ERO1B: variants seen among roughly 807,000 people sequenced by gnomAD.
ERO1B encodes ERO1-like protein beta.
In ERO1B, 49 loss-of-function variants were observed where a neutral mutation model predicts 75.3. That is an observed-to-expected ratio of 0.65 (90% CI 0.52 to 0.83). The LOEUF (loss-of-function observed/expected upper bound fraction) is 0.83. Among genes scored for constraint, ERO1B ranks in the 40% least tolerant of loss-of-function variants. The pLI, the probability that ERO1B is intolerant of heterozygous loss-of-function variation, is 0.00. For missense variants in ERO1B, 512 were observed against 560.1 expected (o/e 0.91, Z 0.87); for synonymous variants, 191 against 192.9 (o/e 0.99, Z 0.08).
chr1:236,269,815 G>T, intron 2 of ERO1B, 60 bp downstream of exon 2: 1 of 1,362,914 alleles, frequency 7.3e-7, no homozygotes, highest in South Asian at 1.3e-5. Context: ...CTTTCAAAAG[G>T]ATCATAAAGG....
In ERO1B at chr1:236,220,815, C is replaced by A; in HGVS notation, c.1343+17G>T. On this transcript the variant is annotated intron_variant, in intron 15 of 15. Coordinates refer to ENST00000354619, the MANE Select transcript of ERO1B (RefSeq NM_019891.4). ...CCAATGGGAAATCAAAAATCTTCAA[C>A]ATATAATGGTTCTTACCTTCCAAAA... is the stretch of plus-strand genomic sequence containing the variant. 6.5e-7 allele frequency: 1 copy of A among 1,545,278 alleles called. No individual in the cohort carries two copies. Among genetic ancestry groups the A allele is most frequent in the South Asian group, 1.3e-5 (1 of 76,690 alleles).
rs768609139 is a variant in ERO1B, at chr1:236,225,052, C to G, written c.1122+18G>C. On this transcript the variant is annotated intron_variant, in intron 13 of 15. Coordinates refer to ENST00000354619, the MANE Select transcript of ERO1B (RefSeq NM_019891.4). ...GCAAACTGCTCCCAACCCCGTGTCC[C>G]AATCGAGAACTTTTTACCTTTAGTG... 5.6e-6 allele frequency: 9 copies of G among 1,612,442 alleles called. No individual in the cohort carries two copies. In the South Asian group the frequency reaches 9.9e-5, roughly 18 times the overall value.
rs751579960 is a variant in ERO1B at position 236,236,406 on chromosome 1, A to T, written c.506-8T>A. The T allele has an allele frequency of 1.2e-6, 2 of 1,613,162 alleles. No individual in the cohort carries two copies. The highest frequency in any genetic ancestry group is 1.7e-6 in the Non-Finnish European group (2 of 1,179,712). ...CAGCTGGAGATCTCTCATCTGAACA[A>T]GAAAAAATTCATAAAAACCATCCAT... On this transcript the variant is annotated splice_polypyrimidine_tract_variant and splice_region_variant and intron_variant, in intron 6 of 15. Coordinates refer to ENST00000354619, the MANE Select transcript of ERO1B (RefSeq NM_019891.4).
chr1:236,259,027 TTAAAAA>T (rs1288061014), intron 2 of ERO1B, among the ~76,000 whole-genome samples: 4 of 152,036 alleles, frequency 2.6e-5, no homozygotes, highest in Admixed American at 2.0e-4. Context: ...AGACAAAATA[TTAAAAA>T]TAAATAACTA....
chr1:236,280,966 A>AATCATCGCTTCACATTCACATCAAC (rs1665816172), intron 1 of ERO1B, among the ~76,000 whole-genome samples: 1 of 152,156 alleles, frequency 6.6e-6, no homozygotes, highest in Non-Finnish European at 1.5e-5. Context: ...GAACACTTGT[A>AATCATCGCTTCACATTCACATCAAC]ATCATCGCTT....
chr1:236,218,643 T>G, intron 15 of ERO1B, 67 bp from the exon 16 acceptor site: 1 of 1,193,570 alleles, frequency 8.4e-7, no homozygotes, highest in East Asian at 3.8e-5. Flanking sequence ...ATTATTGATA[T>G]TGTTACATAA....
intron 1 of ERO1B, among the ~76,000 whole-genome samples, chr1:236,272,419 A>C (rs1665612811): frequency 6.6e-6 from 1 of 152,218 alleles, no homozygotes. Context: ...AGCAACATGG[A>C]TGCAGCTGGA....
chr1:236,254,274 C>T (rs1042485296), intron 2 of ERO1B, among the ~76,000 whole-genome samples: 1 of 152,284 alleles, frequency 6.6e-6, no homozygotes, highest in Non-Finnish European at 1.5e-5. Flanking sequence ...GTTTTATTCT[C>T]CTTCCTCCCT....
At chr1:236,258,702 C>T (rs929284034) in intron 2 of ERO1B, among the ~76,000 whole-genome samples, 1 of 152,124 alleles carries the variant, frequency 6.6e-6, no homozygotes, top group Non-Finnish European at 1.5e-5. Context: ...GCCTGGCCAA[C>T]GTGGTGAAAC....
In ERO1B at chr1:236,222,013, A is replaced by C; in HGVS notation, c.1123-3T>G. ...TTGAAATGTAATCGGAATTCCTCCT[A>C]GCAAGCAGAAAATATTTTCAGTCTA... On this transcript the variant is annotated splice_polypyrimidine_tract_variant and splice_region_variant and intron_variant, in intron 13 of 15. Coordinates refer to ENST00000354619, the MANE Select transcript of ERO1B (RefSeq NM_019891.4). 1 of 1,610,060 alleles carries C rather than the reference A, an allele frequency of 6.2e-7. No homozygotes were observed. Among genetic ancestry groups the C allele is most frequent in the Non-Finnish European group, 8.5e-7 (1 of 1,176,512 alleles).
chr1:236,226,214 T>C, intron 12 of ERO1B, 55 bp downstream of exon 12: 4 of 1,582,252 alleles, frequency 2.5e-6, no homozygotes, highest in Admixed American at 1.8e-5. Context: ...CTTTAAGTGC[T>C]ACCTCATTTG....
chr1:236,254,118 G>A (rs1203244513), intron 2 of ERO1B, among the ~76,000 whole-genome samples: 2 of 152,140 alleles, frequency 1.3e-5, no homozygotes, highest in African/African-American at 2.4e-5. Context: ...AAGGGGGAGG[G>A]TGGCAGAGAA....
chr1:236,238,217 G>T lies in ERO1B; in HGVS notation c.506-1819C>A, dbSNP rs148945266. 4.5e-3 allele frequency among the ~76,000 whole-genome samples: 680 copies of T among 152,200 alleles called. 6 individuals are homozygous for T. The highest frequency in any genetic ancestry group is 0.016 in the African/African-American group (652 of 41,510). On this transcript the variant is annotated intron_variant, in intron 6 of 15. Transcript: ENST00000354619. The stretch of plus-strand genomic sequence containing the variant: ...TATAAGAATACTGGCTCTATTTCTA[G>T]CTCTAAATTTGTAAAGATACTCCAC...
chr1:236,226,172 T>C, intron 12 of ERO1B, 97 bp downstream of exon 12: 1 of 1,219,056 alleles, frequency 8.2e-7, no homozygotes, highest in Non-Finnish European at 1.2e-6. Flanking sequence ...ACATCTCCCC[T>C]CGGTTAACTT....
In ERO1B at chr1:236,232,811, A is replaced by G; in HGVS notation, c.685+17T>C. The G allele has an allele frequency of 6.3e-7, 1 of 1,593,412 alleles. No individual in the cohort carries two copies. Among genetic ancestry groups the G allele is most frequent in the Non-Finnish European group, 8.5e-7 (1 of 1,170,382 alleles). On this transcript the variant is annotated intron_variant, in intron 9 of 15. Transcript: ENST00000354619. ...TTTCCTCCACACTTGAAACAAACAA[A>G]CATGAGTTTTGCTCACCATCATCTT...
intron 3 of ERO1B, among the ~76,000 whole-genome samples, chr1:236,253,156 C>A (rs568191163): frequency 1.3e-5 from 2 of 152,046 alleles, no homozygotes; most frequent in South Asian, 4.2e-4. Flanking sequence ...AATCCTAGAA[C>A]AGGCCTCTGA....
intron 12 of ERO1B, among the ~76,000 whole-genome samples, chr1:236,225,653 G>A (rs1300188315): frequency 2.6e-5 from 4 of 152,182 alleles, no homozygotes; most frequent in African/African-American, 9.7e-5. Flanking sequence ...AGTGACTAGA[G>A]GCCAGGCGCG....
intron 5 of ERO1B, among the ~76,000 whole-genome samples, chr1:236,248,166 T>G (rs983206809): frequency 3.9e-5 from 6 of 152,206 alleles, no homozygotes; most frequent in African/African-American, 1.4e-4. Context: ...TTGTAGACAT[T>G]CATTTGTTGA....
At chr1:236,279,240 C>T (rs1427102033) in intron 1 of ERO1B, among the ~76,000 whole-genome samples, 1 of 152,196 alleles carries the variant, frequency 6.6e-6, no homozygotes, top group African/African-American at 2.4e-5. Flanking sequence ...CGGTGGCTCA[C>T]GCCTGTAATC....
Sources: gnomAD v4.1 joint callset for allele counts (sites outside exome capture counted in the v4.1 genomes callset) on GRCh38, gnomAD v4.1.1 for gene constraint, MANE v1.5 for transcripts, NCBI Gene and HGNC (gene_info 2026-07-23, HGNC 2026-07-21) for gene names.